LAMB4: variants seen among roughly 807,000 people sequenced by gnomAD.
LAMB4 encodes the protein laminin subunit beta-4.
Under a neutral mutation model 199.2 loss-of-function variants are expected in LAMB4, and 196 were observed. The observed-to-expected ratio is 0.98, with a 90% CI of 0.88 to 1.11. LAMB4 has a LOEUF of 1.11. Ranked by LOEUF, LAMB4 falls within the 50% of genes least tolerant of loss-of-function variation. The pLI, the probability that LAMB4 is intolerant of heterozygous loss-of-function variation, is 0.00. For synonymous variants in LAMB4, 744 were observed against 770.6 expected (o/e 0.97, Z 0.57); for missense variants, 2,080 against 2,171.2 (o/e 0.96, Z 0.83).
intron 10 of LAMB4, among the ~76,000 whole-genome samples, chr7:108,102,446 G>C (rs866245965): frequency 2.0e-5 from 3 of 152,052 alleles, no homozygotes; most frequent in Non-Finnish European, 4.4e-5. Flanking sequence ...TAGCAAGGAG[G>C]GTAGACAAAT....
At chr7:108,015,691 C>T in the LAMB4 span, among the ~76,000 whole-genome samples, 2 of 148,760 alleles carry the variant, frequency 1.3e-5, no homozygotes, top group African/African-American at 2.5e-5. Flanking sequence ...ATTTAGCCTA[C>T]TTTGTTATTT....
chr7:108,027,875 TG>T (rs2034891091), intron 33 of LAMB4, among the ~76,000 whole-genome samples: 1 of 152,068 alleles, frequency 6.6e-6, no homozygotes, highest in African/African-American at 2.4e-5. Context: ...CTCCGCCTCC[TG>T]GGTTCAAGCG....
At chr7:108,100,498 C>A (rs1270085777) in intron 10 of LAMB4, among the ~76,000 whole-genome samples, 1 of 152,264 alleles carries the variant, frequency 6.6e-6, no homozygotes, top group African/African-American at 2.4e-5. Context: ...TAGTTTGTTA[C>A]AAGCTCCTCA....
At position 108,055,888 on chromosome 7, in the gene LAMB4, G is replaced by A; in HGVS notation, c.3499C>T (p.Gln1167Ter). 1 of 1,614,152 alleles carries A rather than the reference G, an allele frequency of 6.2e-7. No individual in the cohort carries two copies. Residue 1167 changes from glutamine (Q) to a stop codon, truncating the protein, a stop_gained, in exon 25 of 34, where the codon CAG (glutamine) becomes TAG (stop). Transcript: ENST00000388781. LOFTEE classifies it high-confidence loss of function. ...RCDRCARGHS[Q>*]EFPTCLQCHL... ...CATTGAAGACAAGTAGGGAATTCCT[G>A]GCTGTGTCCCCGGGCACAGCGATCA...
At chr7:108,019,027 C>A (rs2034638009), downstream of LAMB4, among the ~76,000 whole-genome samples, 1 of 152,112 alleles carries the variant, frequency 6.6e-6, no homozygotes, top group Non-Finnish European at 1.5e-5. Flanking sequence ...TATTCCCACC[C>A]AATTGAAGGT....
intron 17 of LAMB4, among the ~76,000 whole-genome samples, chr7:108,076,585 C>T (rs2036712110): frequency 6.6e-6 from 1 of 152,108 alleles, no homozygotes; most frequent in Non-Finnish European, 1.5e-5. Context: ...CAACAGTGTG[C>T]TGTCGTGGCT....
intron 2 of LAMB4, 24 bp downstream of exon 2, chr7:108,123,107 T>C (rs372155820): frequency 9.4e-6 from 15 of 1,596,758 alleles, no homozygotes; most frequent in South Asian, 4.5e-5. Context: ...AAGCAGTAAA[T>C]AGATTTTGAC....
chr7:108,067,696 G>T (rs921334256), intron 19 of LAMB4, among the ~76,000 whole-genome samples: 3 of 152,196 alleles, frequency 2.0e-5, no homozygotes, highest in African/African-American at 7.2e-5. Context: ...GGCTTTGCCA[G>T]CTCCCTTCAT....
At chr7:108,115,345 T>C (rs2038368719) in intron 3 of LAMB4, among the ~76,000 whole-genome samples, 1 of 152,134 alleles carries the variant, frequency 6.6e-6, no homozygotes, top group Non-Finnish European at 1.5e-5. Flanking sequence ...CAACCAAGGA[T>C]TGAAAATATT....
chr7:108,082,072 T>G (rs2036965135), intron 14 of LAMB4, among the ~76,000 whole-genome samples: 1 of 152,164 alleles, frequency 6.6e-6, no homozygotes, highest in African/African-American at 2.4e-5. Flanking sequence ...GGCTCACGCC[T>G]GTAATCCTAG....
At chr7:108,089,257 C>T (rs1171207015) in intron 14 of LAMB4, among the ~76,000 whole-genome samples, 1 of 152,016 alleles carries the variant, frequency 6.6e-6, no homozygotes, top group African/African-American at 2.4e-5. Flanking sequence ...CAATAGGGGC[C>T]CAGCATGACA....
At chr7:108,092,767 T>C (rs1415895043) in intron 12 of LAMB4, among the ~76,000 whole-genome samples, 1 of 151,782 alleles carries the variant, frequency 6.6e-6, no homozygotes, top group Non-Finnish European at 1.5e-5. Flanking sequence ...ATTGCCTGGG[T>C]GTGGTGCATG....
In LAMB4 at chr7:108,098,503, G is replaced by A. The variant is rs451252; in HGVS notation, c.1260C>T (p.Ala420=). ...SHSDPALGSV[A]GQCLCKENVE... ...CGTTCTCTTTACAAAGGCACTGGCC[G>A]GCCACAGACCCTAAGGCAGGATCAG... Residue 420 remains alanine, a synonymous_variant, in exon 11 of 34, where the codon GCC becomes GCT. Coordinates refer to ENST00000388781, the MANE Select transcript of LAMB4 (RefSeq NM_007356.3). 0.38 allele frequency: 611,963 copies of A among 1,613,130 alleles called. 118,663 individuals carry two copies. The highest frequency in any genetic ancestry group is 0.4 in the Non-Finnish European group (476,680 of 1,179,640).
the LAMB4 span, among the ~76,000 whole-genome samples, chr7:108,018,455 C>G: frequency 5.3e-5 from 8 of 152,184 alleles, no homozygotes; most frequent in Admixed American, 2.6e-4. Flanking sequence ...AAGAGGCCCT[C>G]CTGGCCAGGC....
chr7:108,035,604 C>A (rs1435692453), intron 30 of LAMB4, among the ~76,000 whole-genome samples: 68 of 79,888 alleles, frequency 8.5e-4, no homozygotes, highest in African/African-American at 2.8e-3. Flanking sequence ...TAGAGAGTAC[C>A]AAAAAAAAAA....
intron 11 of LAMB4, among the ~76,000 whole-genome samples, chr7:108,096,973 T>A (rs1488529992): frequency 1.1e-4 from 13 of 122,758 alleles, no homozygotes; most frequent in Admixed American, 1.6e-4. Context: ...AAAAAAAAAA[T>A]TTAAAGCTGG....
chr7:108,083,496 C>T (rs1213613016), intron 14 of LAMB4, among the ~76,000 whole-genome samples: 12 of 152,170 alleles, frequency 7.9e-5, no homozygotes, highest in Admixed American at 5.2e-4. Flanking sequence ...AATAGATCCA[C>T]TTTCCAGCAA....
chr7:108,119,832 C>T (rs143146066), intron 2 of LAMB4, among the ~76,000 whole-genome samples: 11 of 152,160 alleles, frequency 7.2e-5, no homozygotes, highest in African/African-American at 2.4e-4. Context: ...GTTGTGATAT[C>T]GTGCTATAAT....
rs1390631443 is a variant in LAMB4 at position 108,063,760 on chromosome 7, C to G, written c.3061+1G>C. ...TCCCCCTGGGAGTTTTGCAGACTTACTTCTGCAGGTCTGATTGAGGGCTGA... is the reference window on the plus strand; with the variant it reads ...TCCCCCTGGGAGTTTTGCAGACTTAGTTCTGCAGGTCTGATTGAGGGCTGA... On this transcript the variant is annotated splice_donor_variant, in intron 22 of 33. Transcript: ENST00000388781. LOFTEE classifies it high-confidence loss of function. The G allele has an allele frequency of 2.5e-6, 4 of 1,611,280 alleles. No individual in the cohort carries two copies. The highest frequency in any genetic ancestry group is 3.4e-6 in the Non-Finnish European group (4 of 1,177,410).
Sources: allele counts gnomAD v4.1 joint callset (sites outside exome capture counted in the v4.1 genomes callset), GRCh38; gene constraint gnomAD v4.1.1; transcripts MANE v1.5; gene names NCBI Gene and HGNC (gene_info 2026-07-23, HGNC 2026-07-21).